The following SLC22A25 variants were observed in gnomAD, a reference collection of about 807,000 sequenced individuals.
The protein encoded by SLC22A25 is MGI:2442751, MGI:2385316, MGI:3042283, MGI:3645714, MGI:3605624, MGI:2442750.
In SLC22A25, 44 loss-of-function variants were observed where a neutral mutation model predicts 45.9. The observed-to-expected ratio is 0.96, with a 90% CI of 0.75 to 1.23. The LOEUF (loss-of-function observed/expected upper bound fraction) is 1.23. Among genes scored for constraint, SLC22A25 ranks in the 50% most tolerant of loss-of-function variants. SLC22A25 has a pLI of 0.00. For synonymous variants in SLC22A25, 283 were observed against 238.6 expected (o/e 1.19, Z -1.72); for missense variants, 800 against 666.4 (o/e 1.20, Z -2.21).
chr11:63,237,872 A>AATAC lies in SLC22A25; in HGVS notation c.-445+5_-445+8dup, dbSNP rs2090189977. On this transcript the variant is annotated intron_variant, in intron 3 of 11. Transcript: ENST00000306494. Reference sequence around the variant, plus strand: ...AATAAATATTTAATCAGTGGATGGAAATACTCACTAGTATAGTGATCTTTG... The same window carrying AATAC: ...AATAAATATTTAATCAGTGGATGGAAATACATACTCACTAGTATAGTGATCTTTG... The AATAC allele has an allele frequency of 7.9e-5, 12 of 152,204 alleles. 1 individual carries two copies. In the South Asian group the frequency reaches 2.5e-3, roughly 32 times the overall value. 9.4% of individuals were successfully genotyped at this position (152,204 alleles called of 1,614,324 possible).
chr11:63,230,861 T>A (rs913429662), intron 3 of SLC22A25, among the ~76,000 whole-genome samples: 5 of 152,158 alleles, frequency 3.3e-5, no homozygotes, highest in Non-Finnish European at 7.3e-5. Context: ...CCAAATGTTC[T>A]CATTGTTCAA....
chr11:63,171,033 C>T (rs763070689), intron 9 of SLC22A25, among the ~76,000 whole-genome samples: 1 of 152,162 alleles, frequency 6.6e-6, no homozygotes, highest in Non-Finnish European at 1.5e-5. Flanking sequence ...AAATATAATC[C>T]ATCACGTAAA....
chr11:63,164,020 G>A lies in SLC22A25; in HGVS notation c.1448C>T (p.Ala483Val). ...GNFANIGGAL[A>V]SLMMILSIYS... is the part of the protein sequence containing the mutation. ...TATGCTTAGGATCATCATGAGGGAAGCCAGGGCTCCCCCAATATTAGCAAA... is the reference window on the plus strand; with the variant it reads ...TATGCTTAGGATCATCATGAGGGAAACCAGGGCTCCCCCAATATTAGCAAA... The change falls in exon 12 of 12, where the codon GCT becomes GTT. Residue 483 changes from alanine (A) to valine (V), a missense_variant. Transcript: ENST00000306494. The A allele has an allele frequency of 6.2e-7, 1 of 1,612,814 alleles. No homozygotes were observed. Among genetic ancestry groups the A allele is most frequent in the Non-Finnish European group, 8.5e-7 (1 of 1,179,358 alleles).
intron 4 of SLC22A25, among the ~76,000 whole-genome samples, chr11:63,228,814 G>A (rs569805369): frequency 3.3e-5 from 5 of 152,246 alleles, no homozygotes; most frequent in African/African-American, 9.6e-5. Context: ...TGGCCACACA[G>A]TGAAATCATT....
intron 9 of SLC22A25, among the ~76,000 whole-genome samples, chr11:63,174,087 T>A (rs2087996948): frequency 6.6e-6 from 1 of 152,082 alleles, no homozygotes; most frequent in Non-Finnish European, 1.5e-5. Context: ...GTGTGTGATG[T>A]TCGCCTCCCT....
Position 63,163,761 on chromosome 11 carries a change from C to T in SLC22A25, c.*63G>A. The T allele has an allele frequency of 6.5e-7, 1 of 1,547,690 alleles. No individual in the cohort carries two copies. The highest frequency in any genetic ancestry group is 1.3e-5 in the South Asian group (1 of 78,170). ...AGGCACTGACTACATGGGAATAGCC[C>T]AGATCTAAGCCTTTTTGGGGGATGG... On this transcript the variant is annotated 3_prime_UTR_variant, in exon 12 of 12. Transcript: ENST00000306494.
rs2087517372 is a variant in SLC22A25 at position 63,159,326 on chromosome 11, C to A, written c.*4498G>T. On this transcript the variant is annotated 3_prime_UTR_variant, in exon 12 of 12. Coordinates refer to ENST00000306494, the MANE Select transcript of SLC22A25 (RefSeq NM_199352.6). ...CAAATCTCATCTTGAATTATAGCTC[C>A]CATAGTTCCCACCTGTCATGGGAGG... 6.6e-6 allele frequency among the ~76,000 whole-genome samples: 1 copy of A among 152,086 alleles called. No individual in the cohort carries two copies. The highest frequency in any genetic ancestry group is 2.1e-4 in the South Asian group (1 of 4,824).
In SLC22A25 at chr11:63,195,852, C is replaced by A. The variant is rs549999659; in HGVS notation, c.831-12035G>T. On this transcript the variant is annotated intron_variant, in intron 7 of 11. Transcript: ENST00000306494. ...AAAGATCAACAAAATAGATAGACCACTAGCAGGACTAATAAAGAAGAAAAG... is the reference window on the plus strand; with the variant it reads ...AAAGATCAACAAAATAGATAGACCAATAGCAGGACTAATAAAGAAGAAAAG... Among the ~76,000 whole-genome samples, 50 of 152,160 alleles carry A rather than the reference C, an allele frequency of 3.3e-4. 1 individual carries two copies. Among genetic ancestry groups the A allele is most frequent in the Non-Finnish European group, 6.5e-4 (44 of 68,018 alleles).
At chr11:63,195,818 G>GT (rs1241507403) in intron 7 of SLC22A25, among the ~76,000 whole-genome samples, 1 of 152,114 alleles carries the variant, frequency 6.6e-6, no homozygotes, top group Non-Finnish European at 1.5e-5. Flanking sequence ...CCAGGAGCTG[G>GT]TTTTTTGAAA....
chr11:63,237,829 A>C (rs1188673252), intron 3 of SLC22A25, 52 bp downstream of exon 3: 1 of 152,222 alleles, frequency 6.6e-6, no homozygotes, highest in Non-Finnish European at 1.5e-5. Flanking sequence ...TGTGATTTGC[A>C]ATAAATATTT....
At position 63,209,048 on chromosome 11, in the gene SLC22A25, C is replaced by T. The variant is rs539322380; in HGVS notation, c.830+8266G>A. On this transcript the variant is annotated intron_variant, in intron 7 of 11. Coordinates refer to ENST00000306494, the MANE Select transcript of SLC22A25 (RefSeq NM_199352.6). ...AAACTGGATGCTCAAAAATTAAGGACGTATTGTGAGATAGATTGGCCTGCT... is the reference window on the plus strand; with the variant it reads ...AAACTGGATGCTCAAAAATTAAGGATGTATTGTGAGATAGATTGGCCTGCT... Among the ~76,000 whole-genome samples, 28 of 152,180 alleles carry T rather than the reference C, an allele frequency of 1.8e-4. No individual in the cohort carries two copies. In the East Asian group the frequency reaches 2.1e-3, roughly 12 times the overall value.
At chr11:63,175,049 A>G (rs1233664596) in intron 9 of SLC22A25, among the ~76,000 whole-genome samples, 1 of 152,086 alleles carries the variant, frequency 6.6e-6, no homozygotes, top group Non-Finnish European at 1.5e-5. Flanking sequence ...AGTTGCTTCT[A>G]CATCTTGGCA....
At chr11:63,166,630 G>A (rs1939764) in intron 9 of SLC22A25, 1,013,832 of 1,014,758 alleles carry the variant, frequency 1, 506,458 homozygotes, top group East Asian at 1. Context: ...ATGTACTGAT[G>A]TCAGTCAAAC....
intron 1 of SLC22A25, chr11:63,243,191 G>C: frequency 8.8e-6 from 2 of 228,050 alleles, no homozygotes; most frequent in Non-Finnish European, 1.8e-5. Flanking sequence ...ATCAAGAAGC[G>C]CTACCTTCAG....
chr11:63,236,774 T>A (rs2090171914), intron 3 of SLC22A25, among the ~76,000 whole-genome samples: 1 of 152,168 alleles, frequency 6.6e-6, no homozygotes. Flanking sequence ...AGACTGGAGC[T>A]GTTTCTATTT....
chr11:63,201,070 A>G (rs990519512), intron 7 of SLC22A25, among the ~76,000 whole-genome samples: 1 of 152,262 alleles, frequency 6.6e-6, no homozygotes, highest in African/African-American at 2.4e-5. Context: ...TAAAGTGGCC[A>G]TACTGCCCAA....
intron 7 of SLC22A25, among the ~76,000 whole-genome samples, chr11:63,215,666 A>G (rs2089690746): frequency 6.6e-6 from 1 of 152,160 alleles, no homozygotes; most frequent in East Asian, 1.9e-4. Flanking sequence ...AACGTTTGTT[A>G]CACAGGTAAA....
chr11:63,241,237 A>G (rs2090242867), intron 1 of SLC22A25, among the ~76,000 whole-genome samples: 4 of 152,218 alleles, frequency 2.6e-5, no homozygotes, highest in Admixed American at 2.6e-4. Context: ...AAGCCATTCC[A>G]TGGGGAGATG....
rs575511124 is a variant in SLC22A25 at position 63,219,997 on chromosome 11, A to G, written c.507-2262T>C. The stretch of plus-strand genomic sequence containing the variant: ...GTCCCTCGTCACAATCAGTGGAGAC[A>G]TGGTTGGGCGATGATAATGGTTTCC... On this transcript the variant is annotated intron_variant, in intron 5 of 11. Coordinates refer to ENST00000306494, the MANE Select transcript of SLC22A25 (RefSeq NM_199352.6). The G allele has an allele frequency of 8.1e-5, 105 of 1,289,298 alleles. 1 individual carries two copies. In the South Asian group the frequency reaches 1.2e-3, roughly 15 times the overall value. The allele number at this position is 1,289,298 out of a possible 1,614,324, so 79.9% of individuals were successfully genotyped here. A position where few individuals can be genotyped will look rare whatever the true frequency, so the allele number is the denominator to read the frequency against.
Sources: allele counts gnomAD v4.1 joint callset (sites outside exome capture counted in the v4.1 genomes callset), GRCh38; gene constraint gnomAD v4.1.1; transcripts MANE v1.5; gene names NCBI Gene and HGNC (gene_info 2026-07-23, HGNC 2026-07-21).